Variants in SMG6 observed in about 807,000 individuals in gnomAD.
The protein encoded by SMG6 is telomerase-binding protein EST1A.
Under a neutral mutation model 142.2 loss-of-function variants are expected in SMG6, and 66 were observed. The observed-to-expected ratio is 0.46, with a 90% CI of 0.38 to 0.57. The LOEUF is 0.57. Among genes scored for constraint, SMG6 ranks in the 20% least tolerant of loss-of-function variants. SMG6 has a pLI of 0.00. For missense variants in SMG6, 1,793 were observed against 1,832.0 expected, an observed-to-expected ratio of 0.98 and a Z score of 0.39; for synonymous variants, 779 against 702.4, an observed-to-expected ratio of 1.11 and a Z score of -1.72.
At chr17:2,207,262 G>A (rs1014898828) in intron 10 of SMG6, among the ~76,000 whole-genome samples, 3 of 152,088 alleles carry the variant, frequency 2.0e-5, no homozygotes, top group Non-Finnish European at 2.9e-5. Flanking sequence ...TCCAACCTGG[G>A]CAACAGAGCA....
rs535016723 is a variant in SMG6, at chr17:2,142,556, C to T, written c.3357+30102G>A. On this transcript the variant is annotated intron_variant, in intron 13 of 18. Transcript: ENST00000263073. ...CTATCTATCTATCTATGAACTCCTA[C>T]AACTCAACAATAAAAGACAACCCAA... Among the ~76,000 whole-genome samples, 12 of 151,810 alleles carry T rather than the reference C, an allele frequency of 7.9e-5. No homozygotes were observed. In the South Asian group the frequency reaches 2.3e-3, roughly 29 times the overall value.
chr17:2,300,042 C>A lies in SMG6; in HGVS notation c.711G>T (p.Arg237Ser). 6.2e-7 allele frequency: 1 copy of A among 1,614,204 alleles called. No individual in the cohort carries two copies. The highest frequency in any genetic ancestry group is 8.5e-7 in the Non-Finnish European group (1 of 1,180,034). ...GGGAGTAGCGCTTTGCGGAGCCCGG[C>A]CTCCCGCGGGCTGGGTCGTCGTGGG... ...RETHDDPARGRPGSAKRYSRS... is the reference protein window; with the variant it reads ...RETHDDPARGSPGSAKRYSRS... Residue 237 changes from arginine to serine, a missense_variant, in exon 2 of 19, where the codon AGG (arginine) becomes AGT (serine). Arg to Ser is a moderately radical substitution (Grantham distance 110). Coordinates refer to ENST00000263073, the MANE Select transcript of SMG6 (RefSeq NM_017575.5).
At chr17:2,120,967 G>A (rs1476449079) in intron 13 of SMG6, among the ~76,000 whole-genome samples, 11 of 152,134 alleles carry the variant, frequency 7.2e-5, no homozygotes, top group Non-Finnish European at 4.4e-5. Flanking sequence ...TATAGATGAT[G>A]AGCTTAAAAA....
chr17:2,148,390 T>C (rs2070731541), intron 13 of SMG6, among the ~76,000 whole-genome samples: 1 of 152,122 alleles, frequency 6.6e-6, no homozygotes, highest in African/African-American at 2.4e-5. Context: ...ACACACAAAT[T>C]GTGGTAGATG....
intron 10 of SMG6, chr17:2,200,005 T>G (rs2072465761): frequency 6.8e-6 from 1 of 147,748 alleles, no homozygotes; most frequent in African/African-American, 2.5e-5. Flanking sequence ...CACTGTAACC[T>G]CTGCCTCCCG....
At chr17:2,202,585 T>C (rs987108707) in intron 10 of SMG6, among the ~76,000 whole-genome samples, 1 of 152,084 alleles carries the variant, frequency 6.6e-6, no homozygotes, top group African/African-American at 2.4e-5. Context: ...TAATGACATT[T>C]AGAAACACAT....
intron 4 of SMG6, 113 bp from the exon 5 acceptor site, chr17:2,293,090 C>T: frequency 1.4e-6 from 1 of 736,416 alleles, no homozygotes; most frequent in South Asian, 1.5e-5. Flanking sequence ...ACTAGCGGTC[C>T]TCAACAAAGT....
intron 15 of SMG6, among the ~76,000 whole-genome samples, chr17:2,080,497 T>A (rs2068386663): frequency 6.6e-6 from 1 of 152,318 alleles, no homozygotes; most frequent in South Asian, 2.1e-4. Context: ...CCAGGGTGAT[T>A]AGACAAATAT....
intron 12 of SMG6, among the ~76,000 whole-genome samples, chr17:2,184,431 G>A (rs1439000926): frequency 6.6e-6 from 1 of 151,912 alleles, no homozygotes; most frequent in African/African-American, 2.4e-5. Context: ...GCTGAGGTGG[G>A]TAGATCACCT....
rs1261830216 is a variant in SMG6 at position 2,299,418 on chromosome 17, A to G, written c.1335T>C (p.Ser445=). The stretch of plus-strand genomic sequence containing the variant: ...GGCGTGTGGTGCCTCCACGGCCCCA[A>G]CTCCGAGATCCCTTACTACCAGATC... ...LFGSGSKGSR[S]WGRGGTTRRL... Residue 445 remains serine (S), a synonymous_variant, in exon 2 of 19, where the codon AGT becomes AGC. Coordinates refer to ENST00000263073, the MANE Select transcript of SMG6 (RefSeq NM_017575.5). The surrounding 1 kb of genome is among the most constrained non-coding windows in gnomAD (Gnocchi z 4.3). The G allele has an allele frequency of 6.2e-7, 1 of 1,613,816 alleles. No homozygotes were observed. Among genetic ancestry groups the G allele is most frequent in the Non-Finnish European group, 8.5e-7 (1 of 1,180,008 alleles).
intron 13 of SMG6, among the ~76,000 whole-genome samples, chr17:2,089,101 C>G (rs554345182): frequency 6.6e-6 from 1 of 152,246 alleles, no homozygotes; most frequent in East Asian, 1.9e-4. Context: ...AGCTGGACTC[C>G]CTGCTTGGAG....
At chr17:2,143,037 A>G (rs1469514919) in intron 13 of SMG6, among the ~76,000 whole-genome samples, 1 of 152,200 alleles carries the variant, frequency 6.6e-6, no homozygotes, top group Non-Finnish European at 1.5e-5. Context: ...ACCACTTCAC[A>G]CACACTAGGA....
At chr17:2,198,373 A>G (rs1240217135) in intron 10 of SMG6, among the ~76,000 whole-genome samples, 1 of 152,206 alleles carries the variant, frequency 6.6e-6, no homozygotes, top group Non-Finnish European at 1.5e-5. Context: ...TAAAGCATAG[A>G]GCAGGAAGGA....
At chr17:2,161,292 T>C (rs2071169773) in intron 13 of SMG6, among the ~76,000 whole-genome samples, 1 of 151,924 alleles carries the variant, frequency 6.6e-6, no homozygotes, top group Admixed American at 6.6e-5. Flanking sequence ...TTAGTAGAGA[T>C]GGGGTTTCAT....
At chr17:2,284,528 G>C (rs2074861080) in intron 6 of SMG6, among the ~76,000 whole-genome samples, 1 of 152,062 alleles carries the variant, frequency 6.6e-6, no homozygotes, top group African/African-American at 2.4e-5. Flanking sequence ...ATATCCAAAA[G>C]GCTTTCTCAC....
chr17:2,119,786 C>T (rs952581456), intron 13 of SMG6, among the ~76,000 whole-genome samples: 2 of 152,184 alleles, frequency 1.3e-5, no homozygotes, highest in Non-Finnish European at 2.9e-5. Flanking sequence ...CTCAGCCTCC[C>T]AAGTAGATTG....
intron 13 of SMG6, among the ~76,000 whole-genome samples, chr17:2,137,918 C>G (rs1053093011): frequency 6.6e-6 from 1 of 152,224 alleles, no homozygotes; most frequent in Non-Finnish European, 1.5e-5. Context: ...CTAGGCCTCA[C>G]TGGCTCTTCC....
chr17:2,104,077 G>A (rs536721311), intron 13 of SMG6, among the ~76,000 whole-genome samples: 7 of 151,354 alleles, frequency 4.6e-5, no homozygotes, highest in South Asian at 4.2e-4. Context: ...TCAGCCTCCC[G>A]AGTAGCTGGG....
At position 2,108,558 on chromosome 17, in the gene SMG6, G is replaced by C. The variant is rs542027342; in HGVS notation, c.3358-22657C>G. Among the ~76,000 whole-genome samples, 12 of 152,298 alleles carry C rather than the reference G, an allele frequency of 7.9e-5. No homozygotes were observed. The East Asian group carries it at 2.3e-3, about 29-fold the overall frequency. ...AGGCAGAAGAATTGCTTGAATCTGG[G>C]AGGCAGAGGTTGTAGTGAGCCGAGA... On this transcript the variant is annotated intron_variant, in intron 13 of 18. Transcript: ENST00000263073.
Sources: allele counts gnomAD v4.1 joint callset (sites outside exome capture counted in the v4.1 genomes callset), GRCh38; gene constraint gnomAD v4.1.1; non-coding constraint Gnocchi (gnomAD v3.1); transcripts MANE v1.5; gene names NCBI Gene and HGNC (gene_info 2026-07-23, HGNC 2026-07-21).